SON: variants seen among roughly 807,000 people sequenced by gnomAD.
SON encodes protein SON.
A neutral mutation model predicts 173.3 loss-of-function variants in SON; 4 were observed. That is an observed-to-expected ratio of 0.02 (90% confidence interval 0.01 to 0.05). SON has a LOEUF of 0.05. Among genes scored for constraint, SON ranks in the 10% least tolerant of loss-of-function variants. The pLI, the probability that SON is intolerant of heterozygous loss-of-function variation, is 1.00. For missense variants in SON, 2,626 were observed against 3,055.3 expected (o/e 0.86, Z 3.31); for synonymous variants, 1,190 against 1,105.9 (o/e 1.08, Z -1.51).
chr21:33,563,856 C>T (rs2086114783), intron 6 of SON, among the ~76,000 whole-genome samples: 1 of 152,116 alleles, frequency 6.6e-6, no homozygotes, highest in African/African-American at 2.4e-5. Flanking sequence ...AAGTAGTTGT[C>T]TGCTTTCTTG....
chr21:33,573,100 T>C (rs983154250), intron 8 of SON: 7 of 428,222 alleles, frequency 1.6e-5, no homozygotes, highest in African/African-American at 1.4e-4. Context: ...ACTTGTCTTA[T>C]TTGACTTCCA....
Position 33,552,107 on chromosome 21 carries a change from C to T in SON, c.2876C>T (p.Thr959Ile). The change falls in exon 3 of 12, where the codon ACT (threonine) becomes ATT (isoleucine). Residue 959 changes from threonine to isoleucine, a missense_variant. This residue lies in a region of SON where 366 missense variants were observed against 448.6 expected (regional missense o/e 0.82). Coordinates refer to ENST00000356577, the MANE Select transcript of SON (RefSeq NM_138927.4). This position sits in a 1 kb window ranked among gnomAD's most constrained non-coding sequence, Gnocchi z 5.6. ...TTAGGCCATGATCCCTACAGACTAA[C>T]TCCTGATCCCTATAGGATGTCACCT... ...YRLGHDPYRL[T>I]PDPYRMSPRP... is the part of the protein sequence containing the mutation. 6.2e-7 allele frequency: 1 copy of T among 1,614,074 alleles called. No individual in the cohort carries two copies. The highest frequency in any genetic ancestry group is 8.5e-7 in the Non-Finnish European group (1 of 1,179,982).
At chr21:33,544,815 T>C (rs1387264768) in intron 1 of SON, among the ~76,000 whole-genome samples, 1 of 152,242 alleles carries the variant, frequency 6.6e-6, no homozygotes, top group Non-Finnish European at 1.5e-5. Flanking sequence ...TAATTACTTT[T>C]CTGATTTTCA....
chr21:33,551,734 A>G lies in SON; in HGVS notation c.2503A>G (p.Met835Val). The change falls in exon 3 of 12, where the codon ATG (methionine) becomes GTG (valine). Residue 835 changes from methionine to valine, a missense_variant. Physicochemically the swap from Met to Val is conservative, Grantham distance 21 (BLOSUM62 1). Transcript: ENST00000356577. ...AGCAACCAGCTCCATGGACTCCCAG[A>G]TGTTAGCAACCAGCACCATGGATTC... ...MLATSSMDSQ[M>V]LATSTMDSQM... 6.2e-7 allele frequency: 1 copy of G among 1,612,768 alleles called. No homozygotes were observed. Among genetic ancestry groups the G allele is most frequent in the Non-Finnish European group, 8.5e-7 (1 of 1,180,002 alleles).
intron 6 of SON, among the ~76,000 whole-genome samples, chr21:33,561,140 G>A (rs1425379933): frequency 6.6e-6 from 1 of 152,152 alleles, no homozygotes. Context: ...GCAACTTACA[G>A]TTACTGGTGA....
In SON at chr21:33,549,819, A is replaced by T. The variant is rs374453233; in HGVS notation, c.588A>T (p.Val196=). Residue 196 remains valine (V), a synonymous_variant, in exon 3 of 12, where the codon GTA becomes GTT. Coordinates refer to ENST00000356577, the MANE Select transcript of SON (RefSeq NM_138927.4). ...VLEPPVVSME[V]SEPHILETLK... ...AACCTCCTGTAGTATCAATGGAGGT[A>T]TCAGAGCCACACATCTTAGAAACTC... The T allele has an allele frequency of 4.3e-6, 7 of 1,614,132 alleles. No individual in the cohort carries two copies. The African/African-American group carries it at 8.0e-5, about 18-fold the overall frequency.
chr21:33,549,183 A>ATTG (rs10693989), intron 2 of SON, among the ~76,000 whole-genome samples: 1 of 151,076 alleles, frequency 6.6e-6, no homozygotes, highest in African/African-American at 2.4e-5. Context: ...GGTTCAAGTG[A>ATTG]TCCGCCTCAG....
intron 6 of SON, chr21:33,560,514 C>A: frequency 1.0e-6 from 1 of 997,672 alleles, no homozygotes; most frequent in Non-Finnish European, 1.2e-6. Context: ...ATTAAAATGC[C>A]GCCTGATTAA....
At chr21:33,555,501 T>C (rs2085949607) in intron 3 of SON, 110 bp downstream of exon 3, 5 of 1,045,874 alleles carry the variant, frequency 4.8e-6, no homozygotes, top group East Asian at 2.9e-5. Context: ...AGGATAAATG[T>C]TTCTGTCTTT....
At position 33,550,891 on chromosome 21, in the gene SON, GCAA is replaced by G; in HGVS notation, c.1662_1664del (p.Thr556del). On this transcript the variant is annotated inframe_deletion, in exon 3 of 12. Coordinates refer to ENST00000356577, the MANE Select transcript of SON (RefSeq NM_138927.4). ...GCTGGAGTTGCCAGGACAGCCAGTG[GCAA>G]CGACAGCGCTGGAGTTGCCGGGGCA... 1 of 1,611,686 alleles carries G rather than the reference GCAA, an allele frequency of 6.2e-7. No individual in the cohort carries two copies. The highest frequency in any genetic ancestry group is 8.5e-7 in the Non-Finnish European group (1 of 1,178,098).
Position 33,550,196 on chromosome 21 carries a change from C to T in SON, c.965C>T (p.Thr322Ile). ...ACTGAGGTGTACCCTGAGCCAAGCA[C>T]ATCAACAACAATGGATTTTCCAGAG... ...TPTEVYPEPS[T>I]STTMDFPESS... The change falls in exon 3 of 12, where the codon ACA (threonine) becomes ATA (isoleucine). Residue 322 changes from threonine (T) to isoleucine (I), a missense_variant. Physicochemically the swap from Thr to Ile is moderately conservative, Grantham distance 89 (BLOSUM62 -1). Coordinates refer to ENST00000356577, the MANE Select transcript of SON (RefSeq NM_138927.4). 1 of 1,614,270 alleles carries T rather than the reference C, an allele frequency of 6.2e-7. No homozygotes were observed. Among genetic ancestry groups the T allele is most frequent in the Non-Finnish European group, 8.5e-7 (1 of 1,180,040 alleles).
At chr21:33,572,181 T>TTATATATATA (rs72174733) in intron 8 of SON, 4 of 142,720 alleles carry the variant, frequency 2.8e-5, no homozygotes, top group African/African-American at 7.7e-5. Flanking sequence ...TATTATATAT[T>TTATATATATA]TATATATATA....
In SON at chr21:33,554,854, A is replaced by G. The variant is rs1401739296; in HGVS notation, c.5623A>G (p.Arg1875Gly). The change falls in exon 3 of 12, where the codon AGA (arginine) becomes GGA (glycine). Residue 1875 changes from arginine to glycine, a missense_variant. Physicochemically the swap from Arg to Gly is moderately radical, Grantham distance 125. Coordinates refer to ENST00000356577, the MANE Select transcript of SON (RefSeq NM_138927.4). ...TTCAAGACGCAGGAGGAGAAGCAGC[A>G]GATCAAGATCAAAGTCTAGAGGAAG... The part of the protein sequence containing the change: ...SRSRRRRRSS[R>G]SRSKSRGRRS... The G allele has an allele frequency of 1.2e-6, 2 of 1,614,076 alleles. No homozygotes were observed. The highest frequency in any genetic ancestry group is 1.7e-6 in the Non-Finnish European group (2 of 1,180,010).
intron 1 of SON, among the ~76,000 whole-genome samples, chr21:33,544,550 C>A (rs558575646): frequency 1.4e-3 from 214 of 152,266 alleles, no homozygotes; most frequent in African/African-American, 5.0e-3. Context: ...TCATTTCCCC[C>A]CCCATGTATT....
rs1162341346 is a variant in SON at position 33,552,035 on chromosome 21, A to G, written c.2804A>G (p.Tyr935Cys). The change falls in exon 3 of 12, where the codon TAT (tyrosine) becomes TGT (cysteine). Residue 935 changes from tyrosine (Y) to cysteine (C), a missense_variant. By Grantham distance (194) the Tyr-to-Cys change is radical. Around this residue, in one of 13 missense-constraint regions of SON, gnomAD observed 366 missense variants for 448.6 expected, o/e 0.82. Transcript: ENST00000356577. This position sits in a 1 kb window ranked among gnomAD's most constrained non-coding sequence, Gnocchi z 5.6. ...QDPYRLGHDP[Y>C]RLGHDAYRLG... ...CCCTATAGGTTGGGCCATGACCCCT[A>G]TAGATTAGGTCATGATGCTTACAGG... is the stretch of plus-strand genomic sequence containing the variant. 2 of 1,614,076 alleles carry G rather than the reference A, an allele frequency of 1.2e-6. No individual in the cohort carries two copies.
chr21:33,554,429 T>C lies in SON; in HGVS notation c.5198T>C (p.Leu1733Ser), dbSNP rs1414767447. 2 of 1,614,074 alleles carry C rather than the reference T, an allele frequency of 1.2e-6. No homozygotes were observed. Among genetic ancestry groups the C allele is most frequent in the Non-Finnish European group, 1.7e-6 (2 of 1,180,038 alleles). ...ATTGAGGATATTAATGAAGCAGATT[T>C]AGTGAGACCGTTACTTCCTAAGGAC... ...ANIEDINEADLVRPLLPKDME... is the reference protein window; with the variant it reads ...ANIEDINEADSVRPLLPKDME... Residue 1733 changes from leucine to serine, a missense_variant, in exon 3 of 12, where the codon TTA becomes TCA. Leu to Ser is a moderately radical substitution (Grantham distance 145). This residue lies in a region of SON where 1,006 missense variants were observed against 895.6 expected (regional missense o/e 1.12). Coordinates refer to ENST00000356577, the MANE Select transcript of SON (RefSeq NM_138927.4).
Position 33,552,629 on chromosome 21 carries a change from C to A in SON, c.3398C>A (p.Thr1133Asn). The change falls in exon 3 of 12, where the codon ACC (threonine) becomes AAC (asparagine). Residue 1133 changes from threonine to asparagine, a missense_variant. Physicochemically the swap from Thr to Asn is moderately conservative, Grantham distance 65 (BLOSUM62 0). Coordinates refer to ENST00000356577, the MANE Select transcript of SON (RefSeq NM_138927.4). This position sits in a 1 kb window ranked among gnomAD's most constrained non-coding sequence, Gnocchi z 5.6. ...ATGTCTATGGCTGCTGATTCTTACACCGATTCTTACACTGACACATATACA... is the reference window on the plus strand; with the variant it reads ...ATGTCTATGGCTGCTGATTCTTACAACGATTCTTACACTGACACATATACA... The part of the protein sequence containing the change: ...SMMSMAADSY[T>N]DSYTDTYTEA... 6.2e-7 allele frequency: 1 copy of A among 1,614,042 alleles called. No homozygotes were observed. Among genetic ancestry groups the A allele is most frequent in the African/African-American group, 1.3e-5 (1 of 74,994 alleles).
intron 6 of SON, chr21:33,560,458 G>A (rs1265374292): frequency 1.2e-5 from 13 of 1,052,496 alleles, no homozygotes; most frequent in African/African-American, 1.7e-5. Context: ...AAATTTCCAC[G>A]GGGCTATAGT....
chr21:33,556,711 C>CAAA (rs375685900), intron 3 of SON, among the ~76,000 whole-genome samples: 56 of 102,648 alleles, frequency 5.5e-4, no homozygotes, highest in African/African-American at 2.0e-3. Context: ...GAGACTGTCT[C>CAAA]AAAAAAAAAA....
Sources: allele counts gnomAD v4.1 joint callset (sites outside exome capture counted in the v4.1 genomes callset), GRCh38; gene constraint gnomAD v4.1.1; regional missense constraint gnomAD v4.1.1; non-coding constraint Gnocchi (gnomAD v3.1); transcripts MANE v1.5; gene names NCBI Gene and HGNC (gene_info 2026-07-23, HGNC 2026-07-21).